MRPS28: variants seen among roughly 807,000 people sequenced by gnomAD.
The protein encoded by MRPS28 is small ribosomal subunit protein bS1m.
In MRPS28, 7 loss-of-function variants were observed where a neutral mutation model predicts 10.8. That is an observed-to-expected ratio of 0.65 (90% confidence interval 0.37 to 1.22). MRPS28 has a LOEUF of 1.22. MRPS28 is among the 50% of genes most tolerant of loss of function. The probability of loss-of-function intolerance (pLI) is 0.02; values close to 1 mark genes in which losing one functional copy is unlikely to be tolerated. For synonymous variants in MRPS28, 121 were observed against 93.3 expected, an observed-to-expected ratio of 1.30 and a Z score of -1.71; for missense variants, 265 against 232.9, an observed-to-expected ratio of 1.14 and a Z score of -0.90.
chr8:79,997,473 GA>G (rs896181295), intron 2 of MRPS28, among the ~76,000 whole-genome samples: 1 of 152,154 alleles, frequency 6.6e-6, no homozygotes, highest in African/African-American at 2.4e-5. Flanking sequence ...AACAAGAACA[GA>G]AAGACAATTG....
intron 1 of MRPS28, among the ~76,000 whole-genome samples, chr8:80,029,147 T>C (rs1179850999): frequency 1.3e-5 from 2 of 152,198 alleles, no homozygotes; most frequent in Non-Finnish European, 2.9e-5. Flanking sequence ...TTCCTGTGTT[T>C]TACGCCACTA....
chr8:79,997,968 T>C (rs947209582), intron 2 of MRPS28, among the ~76,000 whole-genome samples: 4 of 151,756 alleles, frequency 2.6e-5, no homozygotes, highest in Admixed American at 1.3e-4. Flanking sequence ...GGCACAAGAA[T>C]TGCTTGAACC....
chr8:79,973,055 G>A (rs1807678618), intron 2 of MRPS28, among the ~76,000 whole-genome samples: 1 of 152,200 alleles, frequency 6.6e-6, no homozygotes, highest in Admixed American at 6.5e-5. Flanking sequence ...AGTAAATGCA[G>A]TATACTGGTT....
intron 2 of MRPS28, among the ~76,000 whole-genome samples, chr8:79,948,486 G>A (rs576075156): frequency 6.6e-6 from 1 of 152,122 alleles, no homozygotes; most frequent in Admixed American, 6.5e-5. Flanking sequence ...TACAACTCTA[G>A]CTATGACATC....
At chr8:79,989,704 A>ATTTTG (rs557518552) in intron 2 of MRPS28, among the ~76,000 whole-genome samples, 13 of 152,226 alleles carry the variant, frequency 8.5e-5, no homozygotes, top group Admixed American at 3.9e-4. Context: ...TTGCCTTTAT[A>ATTTTG]TTTTGTTTTG....
intron 2 of MRPS28, among the ~76,000 whole-genome samples, chr8:79,984,233 T>C (rs1458063081): frequency 3.3e-5 from 5 of 152,198 alleles, no homozygotes; most frequent in Admixed American, 2.0e-4. Context: ...CTGAGAGATT[T>C]TGTCACCACC....
At chr8:79,987,322 C>A (rs190918565) in intron 2 of MRPS28, among the ~76,000 whole-genome samples, 4 of 152,056 alleles carry the variant, frequency 2.6e-5, no homozygotes, top group African/African-American at 9.7e-5. Context: ...CCATAAAAAC[C>A]CTAGAAGAAA....
intron 1 of MRPS28, among the ~76,000 whole-genome samples, chr8:80,021,664 A>G (rs540941027): frequency 1.3e-5 from 2 of 152,346 alleles, no homozygotes. Flanking sequence ...CATTGCTTCT[A>G]ACAACAAAAA....
intron 1 of MRPS28, among the ~76,000 whole-genome samples, chr8:80,006,075 A>G (rs531265581): frequency 4.4e-4 from 67 of 152,316 alleles, no homozygotes; most frequent in Non-Finnish European, 4.6e-4. Context: ...AGACAGATCA[A>G]TAAGACAGAA....
chr8:79,947,665 C>T (rs1307321817), intron 2 of MRPS28, among the ~76,000 whole-genome samples: 1 of 126,670 alleles, frequency 7.9e-6, no homozygotes, highest in Admixed American at 8.8e-5. Flanking sequence ...GACGGAGTCT[C>T]GCTCTGTCGC....
In MRPS28 at chr8:80,003,055, G is replaced by A. The variant is rs770777533; in HGVS notation, c.339C>T (p.Tyr113=). 6.2e-7 allele frequency: 1 copy of A among 1,611,758 alleles called. No individual in the cohort carries two copies. Among genetic ancestry groups the A allele is most frequent in the South Asian group, 1.1e-5 (1 of 90,416 alleles). ...RIFHIVENDL[Y]IDFGGKFHCV... ...AATGAAACTTTCCACCAAAATCTATGTACAGATCATTCTCCACAATATGAA... is the reference window on the plus strand; with the variant it reads ...AATGAAACTTTCCACCAAAATCTATATACAGATCATTCTCCACAATATGAA... Residue 113 remains tyrosine (Y), a synonymous_variant, in exon 2 of 3, where the codon TAC becomes TAT. Coordinates refer to ENST00000276585, the MANE Select transcript of MRPS28 (RefSeq NM_014018.3).
At chr8:80,017,569 A>C (rs1809229145) in intron 1 of MRPS28, among the ~76,000 whole-genome samples, 1 of 152,222 alleles carries the variant, frequency 6.6e-6, no homozygotes, top group Admixed American at 6.5e-5. Context: ...GATAATCTGA[A>C]TAGGCCTATG....
chr8:80,028,649 C>CGGGGGGGGGGGGGGGGGGGGGGGGGGGGG (rs1391638801), intron 1 of MRPS28: 2 of 4,540 alleles, frequency 4.4e-4, no homozygotes, highest in Admixed American at 5.1e-3. Context: ...AGAAGACGGG[C>CGGGGGGGGGGGGGGGGGGGGGGGGGGGGG]GGGGGGGGCG....
intron 1 of MRPS28, among the ~76,000 whole-genome samples, chr8:80,005,363 A>C (rs1473428587): frequency 5.3e-5 from 8 of 151,352 alleles, no homozygotes; most frequent in South Asian, 4.2e-4. Flanking sequence ...TTTTCAACAC[A>C]GAATTTCATA....
chr8:79,919,991 C>G (rs1347388538), intron 2 of MRPS28, among the ~76,000 whole-genome samples: 1 of 139,556 alleles, frequency 7.2e-6, no homozygotes, highest in Admixed American at 7.9e-5. Context: ...CTTCCTGTGT[C>G]CATGTGTTCT....
chr8:79,988,232 T>C (rs1808250863), intron 2 of MRPS28, among the ~76,000 whole-genome samples: 1 of 124,460 alleles, frequency 8.0e-6, no homozygotes, highest in African/African-American at 3.1e-5. Flanking sequence ...TGAGAACACA[T>C]GGACACAGGA....
intron 2 of MRPS28, among the ~76,000 whole-genome samples, chr8:79,963,074 T>C (rs919547865): frequency 3.9e-5 from 6 of 152,044 alleles, no homozygotes; most frequent in African/African-American, 4.8e-5. Context: ...TTATGAGGGG[T>C]AGCCCTTTCA....
intron 2 of MRPS28, among the ~76,000 whole-genome samples, chr8:80,001,432 T>C (rs1808658256): frequency 6.6e-6 from 1 of 152,208 alleles, no homozygotes; most frequent in Non-Finnish European, 1.5e-5. Flanking sequence ...TAAAAGGAAT[T>C]CTTGAGGGAT....
intron 2 of MRPS28, among the ~76,000 whole-genome samples, chr8:79,936,469 C>G (rs1018474909): frequency 6.6e-6 from 1 of 152,124 alleles, no homozygotes; most frequent in Non-Finnish European, 1.5e-5. Context: ...ATGTTTTATA[C>G]CAATTTGTCC....
Sources: allele counts gnomAD v4.1 joint callset (sites outside exome capture counted in the v4.1 genomes callset), GRCh38; gene constraint gnomAD v4.1.1; transcripts MANE v1.5; gene names NCBI Gene and HGNC (gene_info 2026-07-23, HGNC 2026-07-21).